The following SCAI variants were observed in gnomAD, a reference collection of about 807,000 sequenced individuals.
SCAI encodes suppressor of cancer cell invasion.
Under a neutral mutation model 92.2 loss-of-function variants are expected in SCAI, and 24 were observed. The observed-to-expected ratio is 0.26, with a 90% CI of 0.19 to 0.37. The LOEUF (loss-of-function observed/expected upper bound fraction) is 0.37, where lower values mean the gene tolerates loss of function less well. SCAI is among the 10% of genes least tolerant of loss of function. The pLI is 1.00. For missense variants in SCAI, 450 were observed against 736.2 expected, an observed-to-expected ratio of 0.61 and a Z score of 4.50; for synonymous variants, 261 against 258.6, an observed-to-expected ratio of 1.01 and a Z score of -0.09.
In SCAI at chr9:125,118,503, A is replaced by T. The variant is rs1428845129; in HGVS notation, c.98+24130T>A. On this transcript the variant is annotated intron_variant, in intron 2 of 17. Transcript: ENST00000336505. The stretch of plus-strand genomic sequence containing the variant: ...CTGCATTCCAGCCTGGGAGACAGAG[A>T]CCCTGTCTCAATAAATAAATAAATA... 2.4e-5 allele frequency among the ~76,000 whole-genome samples: 3 copies of T among 125,918 alleles called. No individual in the cohort carries two copies. In the East Asian group the frequency reaches 7.0e-4, roughly 29 times the overall value. The allele number at this position is 125,918 out of a possible 152,430, so 82.6% of individuals were successfully genotyped here.
chr9:125,024,370 G>A (rs1447220552), intron 6 of SCAI, among the ~76,000 whole-genome samples: 4 of 149,278 alleles, frequency 2.7e-5, no homozygotes, highest in Admixed American at 6.7e-5. Flanking sequence ...CCGCCTCCCC[G>A]GTTCAAGCGA....
intron 2 of SCAI, among the ~76,000 whole-genome samples, chr9:125,117,721 A>G (rs1052738661): frequency 4.6e-5 from 7 of 151,642 alleles, no homozygotes; most frequent in Non-Finnish European, 1.0e-4. Flanking sequence ...TTGAAACCAG[A>G]AGACCTCCTT....
At position 125,035,750 on chromosome 9, in the gene SCAI, C is replaced by T. The variant is rs148491274; in HGVS notation, c.231-6011G>A. On this transcript the variant is annotated intron_variant, in intron 3 of 17. Transcript: ENST00000336505. ...TAAAACGTGTGCTGCCAGTAGTTGA[C>T]AATATGATTAATAAAATGAATAATG... 2.2e-3 allele frequency among the ~76,000 whole-genome samples: 333 copies of T among 152,190 alleles called. 2 individuals are homozygous for T. Among genetic ancestry groups the T allele is most frequent in the African/African-American group, 7.8e-3 (324 of 41,536 alleles).
chr9:125,009,001 C>T (rs1832572928), intron 9 of SCAI, among the ~76,000 whole-genome samples: 2 of 151,886 alleles, frequency 1.3e-5, no homozygotes, highest in South Asian at 4.2e-4. Flanking sequence ...ACTAATAAAT[C>T]TAACAGACAA....
At chr9:125,003,384 TAGTA>T in intron 10 of SCAI, 81 bp downstream of exon 10, 1 of 1,039,288 alleles carries the variant, frequency 9.6e-7, no homozygotes, top group Non-Finnish European at 1.5e-6. Context: ...TTCAAGGCTG[TAGTA>T]TCTGTTGAAT....
At chr9:125,025,696 T>C (rs1450325963) in intron 6 of SCAI, among the ~76,000 whole-genome samples, 1 of 152,052 alleles carries the variant, frequency 6.6e-6, no homozygotes, top group Non-Finnish European at 1.5e-5. Context: ...ATATGAAAAA[T>C]GTACACTCCA....
At chr9:125,111,032 G>A (rs915840550) in intron 2 of SCAI, among the ~76,000 whole-genome samples, 4 of 152,084 alleles carry the variant, frequency 2.6e-5, no homozygotes, top group Non-Finnish European at 5.9e-5. Flanking sequence ...TATAACCTTG[G>A]ATAACCATTT....
At chr9:125,113,631 T>C (rs1834973324) in intron 2 of SCAI, among the ~76,000 whole-genome samples, 1 of 151,826 alleles carries the variant, frequency 6.6e-6, no homozygotes, top group Non-Finnish European at 1.5e-5. Flanking sequence ...TATATGATCA[T>C]TATAAAAGTG....
chr9:125,068,444 G>A (rs1198579002), intron 2 of SCAI, among the ~76,000 whole-genome samples: 1 of 152,140 alleles, frequency 6.6e-6, no homozygotes, highest in African/African-American at 2.4e-5. Context: ...AGGTTACAGT[G>A]AGCTGACTGA....
intron 2 of SCAI, among the ~76,000 whole-genome samples, chr9:125,109,008 T>A (rs922495013): frequency 2.0e-5 from 3 of 152,252 alleles, no homozygotes; most frequent in Non-Finnish European, 4.4e-5. Context: ...TTTTGTTCTG[T>A]ACTAAGAAAA....
At chr9:125,133,466 A>C (rs954307496) in intron 2 of SCAI, among the ~76,000 whole-genome samples, 9 of 152,260 alleles carry the variant, frequency 5.9e-5, no homozygotes, top group Admixed American at 5.9e-4. Context: ...CTATGTAAGA[A>C]GACAAACAAC....
chr9:125,117,216 A>G (rs1835063146), intron 2 of SCAI, among the ~76,000 whole-genome samples: 1 of 152,242 alleles, frequency 6.6e-6, no homozygotes, highest in Non-Finnish European at 1.5e-5. Flanking sequence ...GACACATGCA[A>G]TAGCATAAAC....
rs745730152 is a variant in SCAI, at chr9:124,980,169, C to G, written c.1327-3983G>C. 2.0e-5 allele frequency among the ~76,000 whole-genome samples: 3 copies of G among 152,066 alleles called. No individual in the cohort carries two copies. The East Asian group carries it at 5.8e-4, about 29-fold the overall frequency. ...AAGGCAGATTGAGGCATTTTCTGCA[C>G]TACAGATCCCTAAAGATGGCTTTAG... On this transcript the variant is annotated intron_variant, in intron 14 of 17. Transcript: ENST00000336505.
intron 17 of SCAI, among the ~76,000 whole-genome samples, chr9:124,958,579 C>T (rs140353869): frequency 2.0e-5 from 3 of 152,202 alleles, no homozygotes; most frequent in Admixed American, 6.5e-5. Flanking sequence ...CATAGACCTA[C>T]ATGTAAAAGC....
intron 2 of SCAI, among the ~76,000 whole-genome samples, chr9:125,136,666 G>T (rs1438049917): frequency 6.6e-6 from 1 of 151,368 alleles, no homozygotes; most frequent in Non-Finnish European, 1.5e-5. Flanking sequence ...TCGCTACATT[G>T]GCCAGACTGG....
chr9:125,007,063 G>A (rs147992171), intron 9 of SCAI, among the ~76,000 whole-genome samples: 9 of 152,250 alleles, frequency 5.9e-5, no homozygotes, highest in African/African-American at 1.9e-4. Context: ...AAGATGCAGT[G>A]AGCCGAGATC....
At position 125,055,945 on chromosome 9, in the gene SCAI, C is replaced by T; in HGVS notation, c.161G>A (p.Gly54Glu). The change falls in exon 3 of 18, where the codon GGA becomes GAA. Residue 54 changes from glycine (G) to glutamate (E), a missense_variant. Around this residue, in one of 3 missense-constraint regions of SCAI, gnomAD observed 20 missense variants for 68.2 expected, o/e 0.29. Transcript: ENST00000336505. ...SGGAEDDIPQ[G>E]ERKTVTDFCY... ...AAAATCTGTAACTGTTTTCCTCTCTCCCTGTGGGATATCATCTTCAGCACC... is the reference window on the plus strand; with the variant it reads ...AAAATCTGTAACTGTTTTCCTCTCTTCCTGTGGGATATCATCTTCAGCACC... 6.2e-7 allele frequency: 1 copy of T among 1,611,982 alleles called. No individual in the cohort carries two copies. Among genetic ancestry groups the T allele is most frequent in the African/African-American group, 1.3e-5 (1 of 75,000 alleles).
chr9:124,952,991 C>T, intron 17 of SCAI, 38 bp from the exon 18 acceptor site: 1 of 1,579,152 alleles, frequency 6.3e-7, no homozygotes, highest in Non-Finnish European at 8.7e-7. Context: ...GTTTTGTAGT[C>T]TAATGAAAGA....
At chr9:125,128,657 G>A (rs1257844782) in intron 2 of SCAI, among the ~76,000 whole-genome samples, 1 of 152,058 alleles carries the variant, frequency 6.6e-6, no homozygotes, top group East Asian at 1.9e-4. Context: ...GGAGGCTGAG[G>A]CAGGAGAATA....
Sources: gnomAD v4.1 joint callset for allele counts (sites outside exome capture counted in the v4.1 genomes callset) on GRCh38, gnomAD v4.1.1 for gene constraint, gnomAD v4.1.1 regional missense constraint, MANE v1.5 for transcripts, NCBI Gene and HGNC (gene_info 2026-07-23, HGNC 2026-07-21) for gene names.